Variants in RAD51D observed in about 807,000 individuals in gnomAD.
RAD51D encodes the protein DNA repair protein RAD51 homolog 4.
RAD51D carries 38 observed loss-of-function variants against 44.1 expected under a neutral mutation model. The ratio of observed to expected loss-of-function variants is 0.86; its 90% CI spans 0.67 to 1.13. The LOEUF (loss-of-function observed/expected upper bound fraction) is 1.13. RAD51D is among the 50% of genes most tolerant of loss of function. The pLI, the probability that RAD51D is intolerant of heterozygous loss-of-function variation, is 0.00. For missense variants in RAD51D, 390 were observed against 414.0 expected, an observed-to-expected ratio of 0.94 and a Z score of 0.50; for synonymous variants, 141 against 166.6, an observed-to-expected ratio of 0.85 and a Z score of 1.18.
At chr17:35,105,129 A>C (rs2091583893) in intron 6 of RAD51D, 1 of 152,210 alleles carries the variant, frequency 6.6e-6, no homozygotes, top group African/African-American at 2.4e-5. Flanking sequence ...TTGGGCTATA[A>C]GGTTAGTTCT....
At chr17:35,106,268 G>A (rs996528039) in intron 6 of RAD51D, 118 bp downstream of exon 6, 1 of 844,720 alleles carries the variant, frequency 1.2e-6, no homozygotes, top group Non-Finnish European at 2.1e-6. Flanking sequence ...AGCAAGCATA[G>A]TTGGAGTCAC....
At chr17:35,119,459 T>C (rs987051131) in intron 1 of RAD51D, 73 bp downstream of exon 1, 4 of 1,516,860 alleles carry the variant, frequency 2.6e-6, no homozygotes, top group Non-Finnish European at 3.6e-6. Flanking sequence ...GCCAGGGCAG[T>C]GCGCCAGCCC....
Position 35,100,369 on chromosome 17 carries a change from G to A in RAD51D, c.*584C>T. 1.9e-6 allele frequency: 1 copy of A among 534,236 alleles called. No homozygotes were observed. Among genetic ancestry groups the A allele is most frequent in the South Asian group, 1.5e-5 (1 of 65,168 alleles). The allele number at this position is 534,236 out of a possible 1,614,324, so 33.1% of individuals were successfully genotyped here. A position where few individuals can be genotyped will look rare whatever the true frequency, so the allele number is the denominator to read the frequency against. On this transcript the variant is annotated 3_prime_UTR_variant, in exon 10 of 10. Coordinates refer to ENST00000345365, the MANE Select transcript of RAD51D (RefSeq NM_002878.4). Reference sequence around the variant, plus strand: ...AAACAGCCTTCTAAGGGGAAATCAGGTGGCTCTAGGGCTCGGGGAATTGCC... The same window carrying A: ...AAACAGCCTTCTAAGGGGAAATCAGATGGCTCTAGGGCTCGGGGAATTGCC...
At chr17:35,106,840 G>A (rs1318874361) in intron 5 of RAD51D, 148 bp downstream of exon 5, 2 of 1,194,532 alleles carry the variant, frequency 1.7e-6, no homozygotes, top group African/African-American at 3.0e-5. Flanking sequence ...GGCATCAACA[G>A]GGGTGGCTTA....
chr17:35,110,707 A>G (rs2091663673), intron 3 of RAD51D, among the ~76,000 whole-genome samples: 2 of 152,184 alleles, frequency 1.3e-5, no homozygotes, highest in African/African-American at 4.8e-5. Context: ...TCAAAAATCA[A>G]TTGTGTGTAA....
chr17:35,105,318 T>C (rs1481548509), intron 6 of RAD51D, among the ~76,000 whole-genome samples: 10 of 151,992 alleles, frequency 6.6e-5, no homozygotes, highest in Non-Finnish European at 2.9e-5. Context: ...AAAGACGGGG[T>C]CTAGCTCTGC....
chr17:35,103,140 G>T lies in RAD51D; in HGVS notation c.738+114C>A. ...AGCTGTAGCTGACCCAGGGAAGCTG[G>T]GATATGTCCCTTTCCTAAAGGGCCA... On this transcript the variant is annotated intron_variant, in intron 8 of 9. Coordinates refer to ENST00000345365, the MANE Select transcript of RAD51D (RefSeq NM_002878.4). The surrounding 1 kb of genome is among the most constrained non-coding windows in gnomAD (Gnocchi z 4.1). 1 of 962,010 alleles carries T rather than the reference G, an allele frequency of 1.0e-6. No homozygotes were observed. The highest frequency in any genetic ancestry group is 1.6e-6 in the Non-Finnish European group (1 of 610,794). The allele number at this position is 962,010 out of a possible 1,614,324, so 59.6% of individuals were successfully genotyped here. A position where few individuals can be genotyped will look rare whatever the true frequency, so the allele number is the denominator to read the frequency against.
Position 35,096,039 on chromosome 17 carries a change from T to C in RAD51D, c.*4914A>G, listed in dbSNP as rs538347905. On this transcript the variant is annotated 3_prime_UTR_variant, in exon 10 of 10. Coordinates refer to ENST00000345365, the MANE Select transcript of RAD51D (RefSeq NM_002878.4). ...GTCTTTGTATCTCATTTCTGTTTTC[T>C]GACCATAAATGCTTTCAGACTATGT... 6.6e-6 allele frequency: 1 copy of C among 152,236 alleles called. No homozygotes were observed. Among genetic ancestry groups the C allele is most frequent in the Non-Finnish European group, 1.5e-5 (1 of 68,050 alleles). The allele number at this position is 152,236 out of a possible 1,614,324, so 9.4% of individuals were successfully genotyped here.
intron 5 of RAD51D, 64 bp from the exon 6 acceptor site, chr17:35,106,545 G>T: frequency 1.6e-6 from 2 of 1,273,022 alleles, no homozygotes; most frequent in Non-Finnish European, 1.1e-6. Context: ...TCAAGGTAAG[G>T]CTGAGAAGGA....
chr17:35,119,585 G>A lies in RAD51D; in HGVS notation c.29C>T (p.Pro10Leu), dbSNP rs759505297. Residue 10 changes from proline to leucine, a missense_variant, in exon 1 of 10, where the codon CCT (proline) becomes CTT (leucine). Coordinates refer to ENST00000345365, the MANE Select transcript of RAD51D (RefSeq NM_002878.4). MGVLRVGLC[P>L]GLTEEMIQLL... ...CTGGATCATCTCCTCGGTAAGGCCA[G>A]GGCACAGTCCGACCCTGAGCACGCC... 3.1e-5 allele frequency: 50 copies of A among 1,612,538 alleles called. No individual in the cohort carries two copies. The South Asian group carries it at 5.4e-4, about 17-fold the overall frequency.
At chr17:35,105,771 A>G (rs1041299075) in intron 6 of RAD51D, among the ~76,000 whole-genome samples, 9 of 152,102 alleles carry the variant, frequency 5.9e-5, no homozygotes, top group South Asian at 4.1e-4. Context: ...TTAGTCCAAG[A>G]TACACACATA....
At chr17:35,102,761 C>A (rs2091555155) in intron 8 of RAD51D, among the ~76,000 whole-genome samples, 2 of 151,984 alleles carry the variant, frequency 1.3e-5, no homozygotes, top group African/African-American at 4.8e-5. Context: ...AAATTTGAAT[C>A]ATATTTATTT....
Position 35,103,097 on chromosome 17 carries a change from T to C in RAD51D, c.738+157A>G, listed in dbSNP as rs1373897663. ...ACAACAAGACGATTCCTGATTCCCT[T>C]AGCTATTTATGGTGCAAAGCTGTAG... On this transcript the variant is annotated intron_variant, in intron 8 of 9. Coordinates refer to ENST00000345365, the MANE Select transcript of RAD51D (RefSeq NM_002878.4). This position sits in a 1 kb window ranked among gnomAD's most constrained non-coding sequence, Gnocchi z 4.1. 6.6e-6 allele frequency among the ~76,000 whole-genome samples: 1 copy of C among 152,222 alleles called. No homozygotes were observed. The highest frequency in any genetic ancestry group is 2.4e-5 in the African/African-American group (1 of 41,464).
intron 3 of RAD51D, among the ~76,000 whole-genome samples, chr17:35,113,999 G>A (rs974022393): frequency 3.3e-4 from 50 of 152,106 alleles, no homozygotes; most frequent in African/African-American, 1.2e-3. Flanking sequence ...TTGGCTGGAC[G>A]CAGTGGCTCT....
rs754682491 is a variant in RAD51D at position 35,100,622 on chromosome 17, A to T, written c.*331T>A. On this transcript the variant is annotated 3_prime_UTR_variant, in exon 10 of 10. Transcript: ENST00000345365. ...AGCACAGGACACAATGGTGATGCAC[A>T]GGATTATCCATCCAGTCGCCAGCAT... The T allele has an allele frequency of 3.6e-6, 2 of 552,376 alleles. No individual in the cohort carries two copies. Among genetic ancestry groups the T allele is most frequent in the Non-Finnish European group, 3.4e-6 (1 of 293,086 alleles). The allele number at this position is 552,376 out of a possible 1,614,324, so 34.2% of individuals were successfully genotyped here. A position where few individuals can be genotyped will look rare whatever the true frequency, so the allele number is the denominator to read the frequency against.
In RAD51D at chr17:35,103,490, C is replaced by T. The variant is rs1567726508; in HGVS notation, c.631G>A (p.Val211Met). 6.2e-7 allele frequency: 1 copy of T among 1,614,218 alleles called. No homozygotes were observed. The highest frequency in any genetic ancestry group is 8.5e-7 in the Non-Finnish European group (1 of 1,180,040). The change falls in exon 7 of 10, where the codon GTG becomes ATG. Residue 211 changes from valine to methionine, a missense_variant. Coordinates refer to ENST00000345365, the MANE Select transcript of RAD51D (RefSeq NM_002878.4). The surrounding 1 kb of genome is among the most constrained non-coding windows in gnomAD (Gnocchi z 4.1). ...TGACCTCCCAGAAGTGGGGAAACCA[C>T]CGCAGTGACCGAGTCCACAACCACC... ...KVVVVDSVTA[V>M]VSPLLGGQQR...
At chr17:35,117,159 C>T (rs1159521088) in intron 3 of RAD51D, 1 of 1,119,990 alleles carries the variant, frequency 8.9e-7, no homozygotes, top group African/African-American at 1.6e-5. Context: ...TTCCCCTACA[C>T]CCAACTAGAG....
At chr17:35,116,888 A>G (rs1567734247) in intron 3 of RAD51D, 2 of 1,584,956 alleles carry the variant, frequency 1.3e-6, no homozygotes, top group Admixed American at 1.8e-5. Context: ...TGCCTCGTTC[A>G]TCGAAAGCAT....
chr17:35,108,021 A>C (rs975862212), intron 3 of RAD51D, among the ~76,000 whole-genome samples: 3 of 151,792 alleles, frequency 2.0e-5, no homozygotes, highest in Non-Finnish European at 4.4e-5. Context: ...GAGTGCTGCA[A>C]TTATAGGCGT....
Sources: gnomAD v4.1 joint callset for allele counts (sites outside exome capture counted in the v4.1 genomes callset) on GRCh38, gnomAD v4.1.1 for gene constraint, Gnocchi (gnomAD v3.1) non-coding constraint, MANE v1.5 for transcripts, NCBI Gene and HGNC (gene_info 2026-07-23, HGNC 2026-07-21) for gene names.